Variants in RPS6KC1 observed in about 807,000 individuals in gnomAD.
RPS6KC1 encodes ribosomal protein S6 kinase C1, also known as inactive ribosomal protein S6 kinase delta-1.
In RPS6KC1, 54 loss-of-function variants were observed where a neutral mutation model predicts 103.8. The observed-to-expected ratio is 0.52, with a 90% CI of 0.42 to 0.65. The LOEUF (loss-of-function observed/expected upper bound fraction) is 0.65. Ranked by LOEUF, RPS6KC1 falls within the 30% of genes least tolerant of loss-of-function variation. The pLI is 0.00. For synonymous variants in RPS6KC1, 439 were observed against 438.7 expected (o/e 1.00, Z -0.01); for missense variants, 1,151 against 1,253.8 (o/e 0.92, Z 1.24).
the RPS6KC1 span, among the ~76,000 whole-genome samples, chr1:213,742,308 C>G: frequency 6.6e-6 from 1 of 152,224 alleles, no homozygotes; most frequent in Admixed American, 6.5e-5. Flanking sequence ...CAAGTTAACA[C>G]TTAAAGCTCT....
chr1:213,550,157 G>A, the RPS6KC1 span, among the ~76,000 whole-genome samples: 5 of 152,192 alleles, frequency 3.3e-5, no homozygotes, highest in African/African-American at 1.2e-4. Context: ...GTGTTGTTCA[G>A]TTTACGGTCT....
At chr1:213,654,848 G>A in the RPS6KC1 span, among the ~76,000 whole-genome samples, 1 of 152,124 alleles carries the variant, frequency 6.6e-6, no homozygotes, top group Non-Finnish European at 1.5e-5. Context: ...AGCGGGTGAG[G>A]TACTTTCATT....
At chr1:213,332,516 G>A in the RPS6KC1 span, among the ~76,000 whole-genome samples, 2 of 152,208 alleles carry the variant, frequency 1.3e-5, no homozygotes, top group African/African-American at 2.4e-5. Context: ...GCAGCAGGAC[G>A]GCCAGCAGTG....
the RPS6KC1 span, chr1:213,840,513 C>T: frequency 2.6e-5 from 4 of 152,102 alleles, no homozygotes; most frequent in African/African-American, 9.7e-5. Flanking sequence ...CTCACCTAAA[C>T]TATAATTGGG....
chr1:213,410,234 G>T, the RPS6KC1 span, among the ~76,000 whole-genome samples: 1 of 152,182 alleles, frequency 6.6e-6, no homozygotes, highest in Admixed American at 6.5e-5. Context: ...AGGGACCAAA[G>T]AGACAGGAGA....
chr1:213,057,164 C>A (rs1041162606), intron 1 of RPS6KC1, among the ~76,000 whole-genome samples: 1 of 151,978 alleles, frequency 6.6e-6, no homozygotes, highest in Non-Finnish European at 1.5e-5. Flanking sequence ...TGATCTTGAA[C>A]TCCTGAGCTC....
the RPS6KC1 span, among the ~76,000 whole-genome samples, chr1:213,611,033 C>T: frequency 6.6e-6 from 1 of 152,148 alleles, no homozygotes; most frequent in African/African-American, 2.4e-5. Context: ...ATCTTATCCT[C>T]ACTGCATCAT....
chr1:213,543,116 T>A, the RPS6KC1 span, among the ~76,000 whole-genome samples: 1 of 152,128 alleles, frequency 6.6e-6, no homozygotes, highest in East Asian at 1.9e-4. Context: ...TTCACATGGG[T>A]ATAGCCACGG....
chr1:213,754,051 C>T, the RPS6KC1 span, among the ~76,000 whole-genome samples: 2 of 152,090 alleles, frequency 1.3e-5, no homozygotes, highest in African/African-American at 2.4e-5. Context: ...TCCTTCGGCA[C>T]ACCCTTTCTT....
the RPS6KC1 span, among the ~76,000 whole-genome samples, chr1:213,311,162 G>A: frequency 6.7e-5 from 10 of 149,372 alleles, no homozygotes; most frequent in South Asian, 2.1e-4. Context: ...TTTTTGAGAC[G>A]GAGTCTCGCT....
chr1:213,182,429 T>C (rs1007661307), intron 8 of RPS6KC1, among the ~76,000 whole-genome samples: 3 of 152,026 alleles, frequency 2.0e-5, no homozygotes, highest in African/African-American at 7.2e-5. Flanking sequence ...AGGCAAAGGT[T>C]ATAGTGAAAT....
At chr1:213,447,713 A>G in the RPS6KC1 span, among the ~76,000 whole-genome samples, 1 of 152,190 alleles carries the variant, frequency 6.6e-6, no homozygotes, top group African/African-American at 2.4e-5. Context: ...CTTTAGGACA[A>G]TCTCTGAATG....
At chr1:213,810,025 CCT>C in the RPS6KC1 span, among the ~76,000 whole-genome samples, 2 of 152,198 alleles carry the variant, frequency 1.3e-5, no homozygotes, top group Non-Finnish European at 2.9e-5. Context: ...CAGCCTCTCA[CCT>C]CTCTCTATCC....
At chr1:213,854,285 T>C in the RPS6KC1 span, among the ~76,000 whole-genome samples, 11 of 152,226 alleles carry the variant, frequency 7.2e-5, no homozygotes, top group Non-Finnish European at 1.0e-4. Flanking sequence ...GGGCTACTTT[T>C]AACAAATCAT....
intron 3 of RPS6KC1, among the ~76,000 whole-genome samples, chr1:213,100,033 A>T (rs1303300497): frequency 2.0e-5 from 3 of 152,180 alleles, no homozygotes; most frequent in African/African-American, 7.2e-5. Flanking sequence ...TTTATAAGGA[A>T]CTAAGAGACT....
intron 8 of RPS6KC1, among the ~76,000 whole-genome samples, chr1:213,228,169 AG>A (rs2094003896): frequency 6.6e-6 from 1 of 152,240 alleles, no homozygotes. Flanking sequence ...ACTGAGAGCT[AG>A]AGTGACATTT....
intron 12 of RPS6KC1, among the ~76,000 whole-genome samples, chr1:213,253,518 G>T (rs1174439247): frequency 1.3e-5 from 2 of 152,160 alleles, no homozygotes; most frequent in African/African-American, 4.8e-5. Context: ...TTCGATTAAA[G>T]CTTGAGTTTA....
At chr1:213,332,144 T>A in the RPS6KC1 span, among the ~76,000 whole-genome samples, 2 of 152,122 alleles carry the variant, frequency 1.3e-5, no homozygotes, top group South Asian at 4.1e-4. Flanking sequence ...AACTTGGGTG[T>A]TACAAGGACA....
Position 213,074,843 on chromosome 1 carries a change from A to ATTTTTTTTTTT in RPS6KC1, c.142-2833_142-2823dup, listed in dbSNP as rs752747801. 7.0e-5 allele frequency among the ~76,000 whole-genome samples: 5 copies of ATTTTTTTTTTT among 71,322 alleles called. 1 individual carries two copies. Among genetic ancestry groups the ATTTTTTTTTTT allele is most frequent in the Non-Finnish European group, 1.2e-4 (5 of 40,432 alleles). 46.8% of individuals were successfully genotyped at this position (71,322 alleles called of 152,430 possible). A position where few individuals can be genotyped will look rare whatever the true frequency, so the allele number is the denominator to read the frequency against. ...TTTAAAAATGACTTAACTAGAATAAATTTTTTTTTTTTTTTTTTTTTTTTT... is the reference window on the plus strand; with the variant it reads ...TTTAAAAATGACTTAACTAGAATAAATTTTTTTTTTTTTTTTTTTTTTTTTTTTTTTTTTTT... On this transcript the variant is annotated intron_variant, in intron 2 of 14. Coordinates refer to ENST00000366960, the MANE Select transcript of RPS6KC1 (RefSeq NM_012424.6).
Sources: allele counts gnomAD v4.1 joint callset (sites outside exome capture counted in the v4.1 genomes callset), GRCh38; gene constraint gnomAD v4.1.1; transcripts MANE v1.5; gene names NCBI Gene and HGNC (gene_info 2026-07-23, HGNC 2026-07-21).